Variants in SPPL3 observed in about 807,000 individuals in gnomAD.
SPPL3 encodes signal peptide peptidase-like 3.
A neutral mutation model predicts 42.4 loss-of-function variants in SPPL3; 5 were observed. That is an observed-to-expected ratio of 0.12 (90% CI 0.06 to 0.25). The LOEUF is 0.25. Ranked by LOEUF, SPPL3 falls within the 10% of genes least tolerant of loss-of-function variation. SPPL3 has a pLI of 1.00. For synonymous variants in SPPL3, 195 were observed against 181.8 expected (o/e 1.07, Z -0.58); for missense variants, 235 against 489.0 (o/e 0.48, Z 4.90).
chr12:120,866,879 C>T (rs1468334166), intron 1 of SPPL3, among the ~76,000 whole-genome samples: 1 of 152,192 alleles, frequency 6.6e-6, no homozygotes, highest in Non-Finnish European at 1.5e-5. Flanking sequence ...ATCTGAGAAT[C>T]CTCTGAATTT....
chr12:120,806,675 C>A (rs529068946), intron 2 of SPPL3, among the ~76,000 whole-genome samples: 1 of 151,840 alleles, frequency 6.6e-6, no homozygotes, highest in Non-Finnish European at 1.5e-5. Flanking sequence ...TGTGAAACCA[C>A]GTCTCTACTA....
intron 2 of SPPL3, chr12:120,791,871 A>T (rs1222587038): frequency 6.8e-6 from 2 of 292,020 alleles, no homozygotes; most frequent in East Asian, 2.2e-4. Context: ...AAGGGCAAGC[A>T]CATTTTGAGA....
rs1160208043 is a variant in SPPL3, at chr12:120,764,249, C to T, written c.*750G>A. On this transcript the variant is annotated 3_prime_UTR_variant, in exon 11 of 11. Transcript: ENST00000353487. ...ACATGCTCAAAACGACAGCAAGCCC[C>T]TGTCAGCTACACAGCGTGATCTTAG... is the stretch of plus-strand genomic sequence containing the variant. 1 of 152,360 alleles carries T rather than the reference C, an allele frequency of 6.6e-6. No individual in the cohort carries two copies. Among genetic ancestry groups the T allele is most frequent in the Non-Finnish European group, 1.5e-5 (1 of 68,032 alleles). The allele number at this position is 152,360 out of a possible 1,614,324, so 9.4% of individuals were successfully genotyped here.
intron 1 of SPPL3, among the ~76,000 whole-genome samples, chr12:120,824,840 A>C (rs1871190167): frequency 6.6e-6 from 1 of 152,168 alleles, no homozygotes; most frequent in South Asian, 2.1e-4. Context: ...GGCCTTCTTA[A>C]ACTTTTGACA....
At chr12:120,771,354 T>A (rs996492800) in intron 6 of SPPL3, among the ~76,000 whole-genome samples, 1 of 152,214 alleles carries the variant, frequency 6.6e-6, no homozygotes, top group Non-Finnish European at 1.5e-5. Flanking sequence ...CGCCGCCGCT[T>A]CAGTGCTCTG....
chr12:120,768,225 A>G, intron 8 of SPPL3, 100 bp downstream of exon 8: 1 of 1,401,464 alleles, frequency 7.1e-7, no homozygotes, highest in Non-Finnish European at 9.6e-7. Flanking sequence ...TAATGGCCCC[A>G]GGTTGGGATC....
chr12:120,893,769 C>A (rs755281329), intron 1 of SPPL3, among the ~76,000 whole-genome samples: 3 of 152,170 alleles, frequency 2.0e-5, no homozygotes, highest in Non-Finnish European at 2.9e-5. Context: ...GATGGAGCCT[C>A]TTCTGATTCC....
intron 1 of SPPL3, among the ~76,000 whole-genome samples, chr12:120,832,735 A>G (rs1190422368): frequency 1.3e-5 from 2 of 152,170 alleles, no homozygotes; most frequent in Non-Finnish European, 2.9e-5. Context: ...CCTTATATCC[A>G]AGGAAGAAAC....
chr12:120,892,690 C>T (rs1873678751), intron 1 of SPPL3, among the ~76,000 whole-genome samples: 1 of 152,038 alleles, frequency 6.6e-6, no homozygotes, highest in Admixed American at 6.6e-5. Context: ...ACGATACAAC[C>T]CAAAATTAGA....
intron 1 of SPPL3, among the ~76,000 whole-genome samples, chr12:120,848,672 T>A (rs1398587325): frequency 6.6e-6 from 1 of 152,212 alleles, no homozygotes; most frequent in Non-Finnish European, 1.5e-5. Flanking sequence ...ACAATTTTCA[T>A]AACTACTACT....
chr12:120,767,333 A>G, intron 9 of SPPL3, 61 bp downstream of exon 9: 1 of 1,551,216 alleles, frequency 6.4e-7, no homozygotes, highest in Non-Finnish European at 8.8e-7. Context: ...ACCTGATTTA[A>G]TTCCAAAGGT....
intron 6 of SPPL3, chr12:120,769,306 G>C (rs1196311030): frequency 1.3e-5 from 5 of 370,782 alleles, no homozygotes; most frequent in African/African-American, 2.1e-5. Flanking sequence ...TGGAGACCCA[G>C]GAAACCAGTC....
chr12:120,900,021 C>T (rs752877566), intron 1 of SPPL3, among the ~76,000 whole-genome samples: 30 of 151,742 alleles, frequency 2.0e-4, no homozygotes, highest in East Asian at 7.7e-4. Flanking sequence ...AGCAAGCACA[C>T]GTGAACTTAC....
chr12:120,858,114 A>G (rs1039628692), intron 1 of SPPL3, among the ~76,000 whole-genome samples: 59 of 152,206 alleles, frequency 3.9e-4, no homozygotes, highest in Non-Finnish European at 7.1e-4. Context: ...CATACCAGAA[A>G]AAAAACATGC....
At chr12:120,779,820 C>CAAAAAAAAAAAAAAAAA (rs1164272443) in intron 6 of SPPL3, among the ~76,000 whole-genome samples, 15 of 42,774 alleles carry the variant, frequency 3.5e-4, no homozygotes, top group African/African-American at 6.1e-4. Flanking sequence ...ACTAAAAATA[C>CAAAAAAAAAAAAAAAAA]AAAAAAAAAA....
chr12:120,884,197 G>A (rs1843748097), intron 1 of SPPL3, among the ~76,000 whole-genome samples: 1 of 152,096 alleles, frequency 6.6e-6, no homozygotes, highest in Admixed American at 6.6e-5. Context: ...CACCTAAACG[G>A]GGACAGGGGA....
chr12:120,859,593 C>A (rs1872565975), intron 1 of SPPL3, among the ~76,000 whole-genome samples: 1 of 152,148 alleles, frequency 6.6e-6, no homozygotes, highest in Admixed American at 6.5e-5. Context: ...ATCTCTACAG[C>A]CATTATTATC....
chr12:120,878,862 C>A (rs1329718462), intron 1 of SPPL3, among the ~76,000 whole-genome samples: 2 of 151,868 alleles, frequency 1.3e-5, no homozygotes, highest in Non-Finnish European at 2.9e-5. Flanking sequence ...ACCCGTAATC[C>A]CAGCACTTTG....
rs60954976 is a variant in SPPL3 at position 120,845,858 on chromosome 12, TTATCTATCTATCTATC to T, written c.24-34988_24-34973del. 3.6e-3 allele frequency among the ~76,000 whole-genome samples: 525 copies of T among 147,412 alleles called. 3 individuals are homozygous for T. Among genetic ancestry groups the T allele is most frequent in the African/African-American group, 6.9e-3 (276 of 39,942 alleles). ...TACTATTTTAATTGCTTAGAATCCA[TTATCTATCTATCTATC>T]TATCTATCTATCTATCTATCTATCT... On this transcript the variant is annotated intron_variant, in intron 1 of 10. Coordinates refer to ENST00000353487, the MANE Select transcript of SPPL3 (RefSeq NM_139015.5).
Sources: allele counts gnomAD v4.1 joint callset (sites outside exome capture counted in the v4.1 genomes callset), GRCh38; gene constraint gnomAD v4.1.1; transcripts MANE v1.5; gene names NCBI Gene and HGNC (gene_info 2026-07-23, HGNC 2026-07-21).